The following JCAD variants were observed in gnomAD, a reference collection of about 807,000 sequenced individuals.
JCAD encodes the protein junctional cadherin 5 associated, also known as junctional cadherin 5-associated protein.
In JCAD, 40 loss-of-function variants were observed where a neutral mutation model predicts 98.0. The ratio of observed to expected loss-of-function variants is 0.41; its 90% CI spans 0.32 to 0.53. JCAD has a LOEUF of 0.53. JCAD is among the 20% of genes least tolerant of loss of function. JCAD has a pLI of 0.31. For synonymous variants in JCAD, 691 were observed against 682.3 expected (o/e 1.01, Z -0.20); for missense variants, 1,705 against 1,738.1 (o/e 0.98, Z 0.34).
chr10:30,103,721 GA>G (rs1302356091), intron 1 of JCAD, among the ~76,000 whole-genome samples: 2 of 148,670 alleles, frequency 1.3e-5, no homozygotes, highest in Non-Finnish European at 3.0e-5. Context: ...AACAGTTAGT[GA>G]GTCAATTTTT....
In JCAD at chr10:30,029,465, T is replaced by C; in HGVS notation, c.683A>G (p.Lys228Arg). 1 of 1,614,184 alleles carries C rather than the reference T, an allele frequency of 6.2e-7. No homozygotes were observed. The highest frequency in any genetic ancestry group is 8.5e-7 in the Non-Finnish European group (1 of 1,180,028). Residue 228 changes from lysine to arginine, a missense_variant, in exon 3 of 4, where the codon AAG (lysine) becomes AGG (arginine). By Grantham distance (26) the Lys-to-Arg change is conservative. This residue lies in a region of JCAD where 275 missense variants were observed against 346.9 expected (regional missense o/e 0.79). Transcript: ENST00000375377. Reference sequence around the variant, plus strand: ...AAGAACTCTAGGCAGTGAGCGAGACTTCCCTTTGTTTTGAGAATTCAACAC... The same window carrying C: ...AAGAACTCTAGGCAGTGAGCGAGACCTCCCTTTGTTTTGAGAATTCAACAC... The part of the protein sequence containing the change: ...EHVLNSQNKG[K>R]SRSLPRVLSP...
intron 1 of JCAD, among the ~76,000 whole-genome samples, chr10:30,111,532 T>A (rs539546272): frequency 6.6e-6 from 1 of 152,218 alleles, no homozygotes; most frequent in Non-Finnish European, 1.5e-5. Flanking sequence ...TCTGTCTTCA[T>A]GAGGCTTTCA....
At chr10:30,088,093 C>G (rs1838195000) in intron 1 of JCAD, among the ~76,000 whole-genome samples, 1 of 152,182 alleles carries the variant, frequency 6.6e-6, no homozygotes, top group Non-Finnish European at 1.5e-5. Context: ...CCTGCCTTGG[C>G]CTCCCAAAGT....
At chr10:30,060,964 G>A (rs113857341), upstream of JCAD, among the ~76,000 whole-genome samples, 27 of 152,170 alleles carry the variant, frequency 1.8e-4, no homozygotes, top group Non-Finnish European at 1.0e-4. Context: ...GGAAAAGAAC[G>A]AACAATGTAA....
chr10:30,068,207 G>A (rs887592509), intron 2 of JCAD, among the ~76,000 whole-genome samples: 1 of 151,916 alleles, frequency 6.6e-6, no homozygotes, highest in Admixed American at 6.6e-5. Context: ...TGGCCAACAT[G>A]GCAAAACCCC....
chr10:30,099,140 A>C (rs2132705586), intron 1 of JCAD, among the ~76,000 whole-genome samples: 1 of 152,328 alleles, frequency 6.6e-6, no homozygotes, highest in East Asian at 1.9e-4. Context: ...TCTTTTAAAG[A>C]AAATTATTTA....
At chr10:30,080,531 A>G (rs1838063087) in intron 1 of JCAD, among the ~76,000 whole-genome samples, 1 of 152,332 alleles carries the variant, frequency 6.6e-6, no homozygotes, top group East Asian at 1.9e-4. Flanking sequence ...TCTGACATAA[A>G]TCCCATTTCG....
At chr10:30,044,704 T>G in intron 2 of JCAD, 3 of 365,458 alleles carry the variant, frequency 8.2e-6, no homozygotes, top group Non-Finnish European at 1.1e-5. Context: ...AAATTTAAGC[T>G]GTTAACTATT....
At chr10:30,102,146 G>C (rs779993674) in intron 1 of JCAD, among the ~76,000 whole-genome samples, 1 of 152,050 alleles carries the variant, frequency 6.6e-6, no homozygotes, top group Non-Finnish European at 1.5e-5. Flanking sequence ...AACACTTTAC[G>C]TAAGATCTTA....
chr10:30,099,832 T>A (rs1432536313), intron 1 of JCAD, among the ~76,000 whole-genome samples: 10 of 152,128 alleles, frequency 6.6e-5, no homozygotes, highest in Admixed American at 6.6e-4. Context: ...GATTACCTCC[T>A]CCACCCTGAC....
intron 3 of JCAD, among the ~76,000 whole-genome samples, chr10:30,024,781 C>T (rs1024373836): frequency 1.2e-4 from 18 of 151,172 alleles, no homozygotes; most frequent in African/African-American, 4.1e-4. Context: ...CCACAAGCTC[C>T]GCCTCCCAGG....
intron 1 of JCAD, among the ~76,000 whole-genome samples, chr10:30,098,443 C>T (rs865888268): frequency 1.3e-5 from 2 of 152,154 alleles, no homozygotes; most frequent in Non-Finnish European, 2.9e-5. Flanking sequence ...GTTAGTCACT[C>T]TTCGCCCTGC....
intron 3 of JCAD, among the ~76,000 whole-genome samples, chr10:30,021,387 T>TG (rs1342937283): frequency 6.6e-6 from 1 of 152,114 alleles, no homozygotes; most frequent in South Asian, 2.1e-4. Context: ...TTTGTAGAGA[T>TG]GGGGGTCTCG....
intron 1 of JCAD, among the ~76,000 whole-genome samples, chr10:30,050,190 C>T (rs776381303): frequency 6.6e-6 from 1 of 151,648 alleles, no homozygotes; most frequent in Non-Finnish European, 1.5e-5. Flanking sequence ...TGGCAAACAC[C>T]AGTAATCCCA....
chr10:30,061,922 C>G (rs1837707827), upstream of JCAD, among the ~76,000 whole-genome samples: 1 of 152,126 alleles, frequency 6.6e-6, no homozygotes, highest in South Asian at 2.1e-4. Context: ...GTGCAGACAC[C>G]TAGGGAGCCA....
intron 1 of JCAD, among the ~76,000 whole-genome samples, chr10:30,085,894 T>C (rs2132688809): frequency 6.8e-6 from 1 of 146,798 alleles, no homozygotes; most frequent in East Asian, 2.1e-4. Context: ...TTAGCCAATT[T>C]CAAACACCAA....
In JCAD at chr10:30,026,722, A is replaced by C. The variant is rs770870938; in HGVS notation, c.3426T>G (p.Thr1142=). 1 of 1,614,142 alleles carries C rather than the reference A, an allele frequency of 6.2e-7. No homozygotes were observed. Among genetic ancestry groups the C allele is most frequent in the South Asian group, 1.1e-5 (1 of 91,080 alleles). ...ACTTCCTCCTGCCATAAAAGGCATC[A>C]GTGGACACCCTGGGGACATCTGCCG... is the stretch of plus-strand genomic sequence containing the variant. ...PAPADVPRVS[T]DAFYGRRKCG... Residue 1142 remains threonine, a synonymous_variant, in exon 3 of 4, where the codon ACT becomes ACG. Transcript: ENST00000375377.
At chr10:30,087,013 C>T (rs117788817) in intron 1 of JCAD, among the ~76,000 whole-genome samples, 2,816 of 152,180 alleles carry the variant, frequency 0.019, 41 homozygotes, top group Middle Eastern at 0.044. Context: ...GGAGTCTTGG[C>T]CCTTCCCAAT....
intron 1 of JCAD, among the ~76,000 whole-genome samples, chr10:30,074,068 C>T (rs566609361): frequency 6.6e-6 from 1 of 152,034 alleles, no homozygotes; most frequent in African/African-American, 2.4e-5. Flanking sequence ...CTGGCTTTTA[C>T]AGTGTAGAAG....
Sources: gnomAD v4.1 joint callset for allele counts (sites outside exome capture counted in the v4.1 genomes callset) on GRCh38, gnomAD v4.1.1 for gene constraint, gnomAD v4.1.1 regional missense constraint, MANE v1.5 for transcripts, NCBI Gene and HGNC (gene_info 2026-07-23, HGNC 2026-07-21) for gene names.